MOV10: variants seen among roughly 807,000 people sequenced by gnomAD.
MOV10 encodes the protein Mov10 RNA helicase.
Under a neutral mutation model 108.4 loss-of-function variants are expected in MOV10, and 39 were observed. The ratio of observed to expected loss-of-function variants is 0.36; its 90% confidence interval spans 0.28 to 0.47. MOV10 has a LOEUF of 0.47. Among genes scored for constraint, MOV10 ranks in the 20% least tolerant of loss-of-function variants. The pLI is 1.00. For synonymous variants in MOV10, 490 were observed against 523.1 expected (o/e 0.94, Z 0.86); for missense variants, 952 against 1,297.6 (o/e 0.73, Z 4.09).
intron 2 of MOV10, among the ~76,000 whole-genome samples, chr1:112,677,790 A>G (rs1257754661): frequency 2.0e-5 from 3 of 152,112 alleles, no homozygotes; most frequent in Non-Finnish European, 4.4e-5. Flanking sequence ...ATAGCAAGTC[A>G]CACTCTTTAG....
intron 10 of MOV10, 101 bp from the exon 11 acceptor site, chr1:112,695,315 C>T: frequency 8.1e-6 from 10 of 1,227,224 alleles, no homozygotes; most frequent in Non-Finnish European, 1.2e-5. Context: ...ATCTTGGAGT[C>T]ACCATTCACA....
chr1:112,675,091 C>G lies in MOV10; in HGVS notation c.137+42C>G. The G allele has an allele frequency of 6.4e-7, 1 of 1,567,714 alleles. No individual in the cohort carries two copies. The highest frequency in any genetic ancestry group is 8.6e-7 in the Non-Finnish European group (1 of 1,161,488). Reference sequence around the variant, plus strand: ...TCCCGGCCCCGAATCGCGGGCCCAGCTTGCTGCCACGACCCCCGCGCGAGG... The same window carrying G: ...TCCCGGCCCCGAATCGCGGGCCCAGGTTGCTGCCACGACCCCCGCGCGAGG... On this transcript the variant is annotated intron_variant, in intron 2 of 20. Coordinates refer to ENST00000369645, the MANE Select transcript of MOV10 (RefSeq NM_001321324.2). The surrounding 1 kb of genome is among the most constrained non-coding windows in gnomAD (Gnocchi z 4.7).
rs530547108 is a variant in MOV10 at position 112,692,375 on chromosome 1, G to A, written c.972-386G>A. Among the ~76,000 whole-genome samples the A allele has an allele frequency of 3.3e-5, 5 of 152,290 alleles. No homozygotes were observed. The East Asian group carries it at 9.6e-4, about 29-fold the overall frequency. The stretch of plus-strand genomic sequence containing the variant: ...AGAACTATACTGAAACTAAAGCAGG[G>A]TTAGGGAATGGGTTGGTGCTGCTTT... On this transcript the variant is annotated intron_variant, in intron 6 of 20. Coordinates refer to ENST00000369645, the MANE Select transcript of MOV10 (RefSeq NM_001321324.2).
At chr1:112,677,969 C>T (rs898446063) in intron 2 of MOV10, among the ~76,000 whole-genome samples, 1 of 152,016 alleles carries the variant, frequency 6.6e-6, no homozygotes, top group African/African-American at 2.4e-5. Context: ...TTGGTCCTTG[C>T]CTCCAAAGAA....
At chr1:112,678,582 T>G (rs1236956957) in intron 2 of MOV10, among the ~76,000 whole-genome samples, 1 of 151,500 alleles carries the variant, frequency 6.6e-6, no homozygotes, top group Non-Finnish European at 1.5e-5. Context: ...TAGGCAGAGG[T>G]TTCTTGGGGA....
intron 6 of MOV10, among the ~76,000 whole-genome samples, chr1:112,692,147 A>G (rs1422218390): frequency 1.3e-5 from 2 of 152,178 alleles, no homozygotes; most frequent in Non-Finnish European, 2.9e-5. Flanking sequence ...CTGGGGCAAC[A>G]TAGTGAGATT....
chr1:112,690,185 C>T (rs1403118503), intron 5 of MOV10, 87 bp downstream of exon 5: 17 of 1,499,274 alleles, frequency 1.1e-5, no homozygotes, highest in Middle Eastern at 2.3e-4. Context: ...GAGCTGGGAG[C>T]CAGAGCCCTT....
chr1:112,693,894 C>T (rs1304133253), intron 7 of MOV10, 124 bp from the exon 8 acceptor site: 7 of 749,246 alleles, frequency 9.3e-6, no homozygotes, highest in East Asian at 7.9e-5. Flanking sequence ...TAGCATAACT[C>T]CCTGAGTCTT....
intron 10 of MOV10, 37 bp from the exon 11 acceptor site, chr1:112,695,379 G>A (rs1276114241): frequency 6.2e-7 from 1 of 1,605,572 alleles, no homozygotes; most frequent in Admixed American, 1.7e-5. Context: ...TGAGTCTCAG[G>A]AACCTGCCTC....
rs141733029 is a variant in MOV10, at chr1:112,700,249, G to A, written c.2829G>A (p.Gly943=). The change falls in exon 20 of 21, where the codon GGG becomes GGA. Residue 943 remains glycine (G), a synonymous_variant. Transcript: ENST00000369645. The stretch of plus-strand genomic sequence containing the variant: ...TGGAGTTCTGTAAAGAAAACGGAGG[G>A]TATACCGGGTGTCCCTTCCCTGCCA... The part of the protein sequence containing the change: ...VFLEFCKENG[G]YTGCPFPAKL... 60 of 1,614,126 alleles carry A rather than the reference G, an allele frequency of 3.7e-5. No homozygotes were observed. The African/African-American group carries it at 7.2e-4, about 19-fold the overall frequency.
At chr1:112,681,815 TATTA>T (rs1672674305) in intron 2 of MOV10, among the ~76,000 whole-genome samples, 1 of 151,168 alleles carries the variant, frequency 6.6e-6, no homozygotes, top group Non-Finnish European at 1.5e-5. Context: ...AACAAATTAT[TATTA>T]ATTATTTAGC....
rs915823133 is a variant in MOV10, at chr1:112,675,673, C to A, written c.137+624C>A. On this transcript the variant is annotated intron_variant, in intron 2 of 20. Transcript: ENST00000369645. The surrounding 1 kb of genome is among the most constrained non-coding windows in gnomAD (Gnocchi z 4.7). ...CATGGAGACCCAGGGGCAGAGCCAG[C>A]CTTCTGGAGGCTCCCTTTCACCCTG... is the stretch of plus-strand genomic sequence containing the variant. Among the ~76,000 whole-genome samples the A allele has an allele frequency of 6.6e-6, 1 of 152,236 alleles. No homozygotes were observed. The highest frequency in any genetic ancestry group is 1.9e-4 in the East Asian group (1 of 5,188).
At chr1:112,680,959 C>G (rs1672601744) in intron 2 of MOV10, among the ~76,000 whole-genome samples, 2 of 151,828 alleles carry the variant, frequency 1.3e-5, no homozygotes, top group Admixed American at 6.6e-5. Context: ...GCCTTGACCT[C>G]CCAAAGTGCT....
Position 112,681,957 on chromosome 1 carries a change from G to A in MOV10, c.137+6908G>A, listed in dbSNP as rs58352772. The stretch of plus-strand genomic sequence containing the variant: ...GTTACCCAGGCTGGAGTGCAATGGC[G>A]CAGTCTTGGCTCACTGCAACCTCCG... On this transcript the variant is annotated intron_variant, in intron 2 of 20. Coordinates refer to ENST00000369645, the MANE Select transcript of MOV10 (RefSeq NM_001321324.2). Among the ~76,000 whole-genome samples the A allele has an allele frequency of 4.7e-5, 7 of 150,396 alleles. No homozygotes were observed. The East Asian group carries it at 5.9e-4, about 13-fold the overall frequency.
chr1:112,700,498 T>C lies in MOV10; in HGVS notation c.3003T>C (p.Asn1001=). 1.2e-6 allele frequency: 2 copies of C among 1,613,548 alleles called. No individual in the cohort carries two copies. Among genetic ancestry groups the C allele is most frequent in the Non-Finnish European group, 1.7e-6 (2 of 1,179,754 alleles). Residue 1001 remains asparagine (N), a synonymous_variant, in exon 21 of 21, where the codon AAT becomes AAC. Transcript: ENST00000369645. ...LSLQVEPEWR[N]EL is the part of the protein sequence containing the mutation. ...TGCAAGTGGAGCCAGAGTGGAGGAA[T>C]GAGCTCTGAAGACACAGCACCCAGC... is the stretch of plus-strand genomic sequence containing the variant.
In MOV10 at chr1:112,694,867, A is replaced by T; in HGVS notation, c.1591A>T (p.Thr531Ser). 1 of 1,614,026 alleles carries T rather than the reference A, an allele frequency of 6.2e-7. No individual in the cohort carries two copies. Among genetic ancestry groups the T allele is most frequent in the Non-Finnish European group, 8.5e-7 (1 of 1,179,922 alleles). The part of the protein sequence containing the change: ...IIFGPPGTGK[T>S]VTLVEAIKQV... Reference sequence around the variant, plus strand: ...CTTTGGGCCTCCAGGCACCGGCAAGACTGTCACGTTAGTGGAGGCAATTAA... The same window carrying T: ...CTTTGGGCCTCCAGGCACCGGCAAGTCTGTCACGTTAGTGGAGGCAATTAA... The change falls in exon 10 of 21, where the codon ACT becomes TCT. Residue 531 changes from threonine to serine, a missense_variant. Coordinates refer to ENST00000369645, the MANE Select transcript of MOV10 (RefSeq NM_001321324.2). This position sits in a 1 kb window ranked among gnomAD's most constrained non-coding sequence, Gnocchi z 4.1.
At chr1:112,688,404 T>G in intron 2 of MOV10, 1 of 996,960 alleles carries the variant, frequency 1.0e-6, no homozygotes, top group African/African-American at 1.7e-5. Context: ...ACCCTATGAC[T>G]TCGGGTGGAA....
chr1:112,696,878 T>C (rs202200340), intron 14 of MOV10, 32 bp downstream of exon 14: 2 of 1,528,884 alleles, frequency 1.3e-6, no homozygotes, highest in East Asian at 2.4e-5. Context: ...CCCTGCCATA[T>C]CCTATGCTTT....
At chr1:112,688,602 C>T in intron 2 of MOV10, 1 of 1,215,294 alleles carries the variant, frequency 8.2e-7, no homozygotes, top group Non-Finnish European at 1.0e-6. Context: ...CAGTTTCCCC[C>T]ACAAAAAGAA....
Sources: gnomAD v4.1 joint callset for allele counts (sites outside exome capture counted in the v4.1 genomes callset) on GRCh38, gnomAD v4.1.1 for gene constraint, Gnocchi (gnomAD v3.1) non-coding constraint, MANE v1.5 for transcripts, NCBI Gene and HGNC (gene_info 2026-07-23, HGNC 2026-07-21) for gene names.